The following EPB41 variants were observed in gnomAD, a reference collection of about 807,000 sequenced individuals.
EPB41 encodes the protein erythrocyte membrane protein band 4.1, also known as protein 4.1.
A neutral mutation model predicts 108.0 loss-of-function variants in EPB41; 65 were observed. The ratio of observed to expected loss-of-function variants is 0.60; its 90% CI spans 0.49 to 0.74. The LOEUF (loss-of-function observed/expected upper bound fraction) is 0.74, where lower values mean the gene tolerates loss of function less well. EPB41 is among the 30% of genes least tolerant of loss of function. The pLI, the probability that EPB41 is intolerant of heterozygous loss-of-function variation, is 0.00. For missense variants in EPB41, 875 were observed against 1,037.0 expected, an observed-to-expected ratio of 0.84 and a Z score of 2.15; for synonymous variants, 336 against 358.9, an observed-to-expected ratio of 0.94 and a Z score of 0.72.
chr1:28,928,281 C>G (rs1199214406), intron 1 of EPB41, among the ~76,000 whole-genome samples: 2 of 152,040 alleles, frequency 1.3e-5, no homozygotes, highest in Non-Finnish European at 2.9e-5. Flanking sequence ...TCCAGCATAT[C>G]CAGATTTCTC....
intron 17 of EPB41, among the ~76,000 whole-genome samples, chr1:29,108,028 C>CAAAAAA (rs1174568864): frequency 2.3e-5 from 1 of 44,340 alleles, no homozygotes; most frequent in Non-Finnish European, 4.8e-5. Flanking sequence ...GACTCCATCT[C>CAAAAAA]AAAAAAAAAA....
chr1:29,099,238 T>C (rs556836867), intron 17 of EPB41, among the ~76,000 whole-genome samples: 1 of 146,388 alleles, frequency 6.8e-6, no homozygotes, highest in Admixed American at 6.8e-5. Flanking sequence ...ACACAGGAGG[T>C]TGCAGTGAGC....
chr1:28,972,032 A>G (rs1473450010), intron 1 of EPB41, among the ~76,000 whole-genome samples: 1 of 149,748 alleles, frequency 6.7e-6, no homozygotes, highest in African/African-American at 2.5e-5. Flanking sequence ...CCCCATACCC[A>G]CCCCTACCCT....
intron 11 of EPB41, among the ~76,000 whole-genome samples, chr1:29,042,743 T>G (rs901710911): frequency 1.3e-5 from 2 of 152,032 alleles, no homozygotes; most frequent in African/African-American, 4.8e-5. Context: ...CCTCCCAAAG[T>G]GCTGAGATTA....
chr1:28,946,234 C>T (rs574197265), intron 1 of EPB41, among the ~76,000 whole-genome samples: 19 of 150,262 alleles, frequency 1.3e-4, no homozygotes, highest in South Asian at 1.3e-3. Context: ...CTCGCTCTTT[C>T]GCCCAGCCTG....
intron 15 of EPB41, 140 bp from the exon 16 acceptor site, chr1:29,064,842 A>G (rs1295780698): frequency 3.8e-6 from 4 of 1,058,438 alleles, no homozygotes; most frequent in Non-Finnish European, 5.4e-6. Flanking sequence ...TTGTATATTT[A>G]TAATCTGAAT....
At chr1:28,947,349 A>T (rs2094520627) in intron 1 of EPB41, among the ~76,000 whole-genome samples, 2 of 151,768 alleles carry the variant, frequency 1.3e-5, no homozygotes. Context: ...CGGATGTTGC[A>T]GTGGGCGGAG....
intron 18 of EPB41, among the ~76,000 whole-genome samples, chr1:29,109,934 T>C (rs2151685168): frequency 6.6e-6 from 1 of 152,270 alleles, no homozygotes; most frequent in Admixed American, 6.5e-5. Flanking sequence ...TTCGGGAGGC[T>C]GAGGGAGGAG....
At chr1:29,022,929 G>A (rs2096665009) in intron 7 of EPB41, among the ~76,000 whole-genome samples, 1 of 151,994 alleles carries the variant, frequency 6.6e-6, no homozygotes, top group Non-Finnish European at 1.5e-5. Flanking sequence ...TTTCATCACT[G>A]TTTCAGAAAA....
In EPB41 at chr1:29,007,117, G is replaced by A. The variant is rs565880737; in HGVS notation, c.787-4748G>A. Among the ~76,000 whole-genome samples, 8 of 151,132 alleles carry A rather than the reference G, an allele frequency of 5.3e-5. No homozygotes were observed. In the East Asian group the frequency reaches 9.7e-4, roughly 18 times the overall value. ...CTGTATAATTTTTTTTTTTGAGACA[G>A]GGTCTCACCCTGTTGTCAGGCTGGA... On this transcript the variant is annotated intron_variant, in intron 4 of 20. Transcript: ENST00000343067.
chr1:29,072,011 A>G (rs1448770094), intron 16 of EPB41: 3 of 152,162 alleles, frequency 2.0e-5, no homozygotes, highest in Non-Finnish European at 4.4e-5. Flanking sequence ...AACATCTACC[A>G]ATATTGTTCT....
chr1:28,958,401 T>C (rs778352551), intron 1 of EPB41, among the ~76,000 whole-genome samples: 4 of 151,722 alleles, frequency 2.6e-5, no homozygotes, highest in Non-Finnish European at 4.4e-5. Context: ...TGAGCTGAGA[T>C]TGCACCACTG....
At chr1:28,899,644 G>A (rs571302749) in intron 1 of EPB41, among the ~76,000 whole-genome samples, 1 of 152,122 alleles carries the variant, frequency 6.6e-6, no homozygotes, top group African/African-American at 2.4e-5. Flanking sequence ...ACAGATGCTG[G>A]GAAATAGGCC....
intron 16 of EPB41, among the ~76,000 whole-genome samples, chr1:29,082,300 T>C (rs1314088437): frequency 1.3e-5 from 2 of 152,072 alleles, no homozygotes; most frequent in Admixed American, 6.5e-5. Flanking sequence ...AATTTTGTAT[T>C]TTTAGTAGAG....
intron 9 of EPB41, 60 bp downstream of exon 9, chr1:29,033,305 C>G (rs1336413255): frequency 6.3e-7 from 1 of 1,580,828 alleles, no homozygotes; most frequent in East Asian, 2.2e-5. Context: ...GAAATATCTA[C>G]ATTTCCATTT....
chr1:28,957,757 A>G (rs2149075998), intron 1 of EPB41, among the ~76,000 whole-genome samples: 1 of 152,320 alleles, frequency 6.6e-6, no homozygotes, highest in Middle Eastern at 3.4e-3. Context: ...GTCTTTAAAA[A>G]TGGCCTATTT....
intron 17 of EPB41, 144 bp downstream of exon 17, chr1:29,098,079 G>A: frequency 8.1e-7 from 1 of 1,232,758 alleles, no homozygotes; most frequent in Non-Finnish European, 1.2e-6. Flanking sequence ...GGTCTAAGAA[G>A]GTCCCAGACT....
chr1:28,917,227 C>G (rs1467902472), intron 1 of EPB41, among the ~76,000 whole-genome samples: 1 of 151,812 alleles, frequency 6.6e-6, no homozygotes, highest in East Asian at 1.9e-4. Flanking sequence ...TGTAATAACC[C>G]TTGCTTTGCC....
chr1:28,925,819 A>G (rs1462674540), intron 1 of EPB41, among the ~76,000 whole-genome samples: 1 of 152,192 alleles, frequency 6.6e-6, no homozygotes, highest in East Asian at 1.9e-4. Context: ...ATGACTTCGC[A>G]TTTTATTTGG....
Sources: allele counts gnomAD v4.1 joint callset (sites outside exome capture counted in the v4.1 genomes callset), GRCh38; gene constraint gnomAD v4.1.1; transcripts MANE v1.5; gene names NCBI Gene and HGNC (gene_info 2026-07-23, HGNC 2026-07-21).